Variants in TMEM132B observed in about 807,000 individuals in gnomAD.
TMEM132B encodes the protein transmembrane protein 132B.
A neutral mutation model predicts 90.8 loss-of-function variants in TMEM132B; 18 were observed. The observed-to-expected ratio is 0.20, with a 90% CI of 0.14 to 0.29. The LOEUF is 0.29. Among genes scored for constraint, TMEM132B ranks in the 10% least tolerant of loss-of-function variants. The probability of loss-of-function intolerance (pLI) is 1.00; values close to 1 mark genes in which losing one functional copy is unlikely to be tolerated. For synonymous variants in TMEM132B, 504 were observed against 523.3 expected (o/e 0.96, Z 0.50); for missense variants, 1,096 against 1,326.8 (o/e 0.83, Z 2.70).
At chr12:125,467,546 T>G (rs1364739367) in intron 3 of TMEM132B, among the ~76,000 whole-genome samples, 1 of 152,236 alleles carries the variant, frequency 6.6e-6, no homozygotes, top group Non-Finnish European at 1.5e-5. Context: ...GTACTGTGGT[T>G]CATGAGTCCT....
chr12:125,563,602 A>AAACAAAC (rs1566074999), intron 4 of TMEM132B, among the ~76,000 whole-genome samples: 1,035 of 78,392 alleles, frequency 0.013, 12 homozygotes, highest in African/African-American at 0.048. Context: ...AACAAACAAA[A>AAACAAAC]AAAAACCCCA....
chr12:125,340,035 A>G (rs1877126785), intron 1 of TMEM132B, among the ~76,000 whole-genome samples: 1 of 152,196 alleles, frequency 6.6e-6, no homozygotes, highest in African/African-American at 2.4e-5. Flanking sequence ...TCACAAGTAG[A>G]CTTGAGGATG....
chr12:125,608,864 A>AC (rs2136938207), intron 5 of TMEM132B, among the ~76,000 whole-genome samples: 1 of 151,796 alleles, frequency 6.6e-6, no homozygotes, highest in East Asian at 1.9e-4. Context: ...TTGAAAAAAA[A>AC]ATCAATGGAC....
chr12:125,192,677 T>C (rs945847441), intron 1 of TMEM132B, among the ~76,000 whole-genome samples: 1 of 152,120 alleles, frequency 6.6e-6, no homozygotes, highest in Non-Finnish European at 1.5e-5. Context: ...ACCTCCTCAT[T>C]CGGGAGCCCC....
intron 2 of TMEM132B, among the ~76,000 whole-genome samples, chr12:125,405,581 C>G (rs960588997): frequency 2.0e-5 from 3 of 152,140 alleles, no homozygotes; most frequent in Admixed American, 6.5e-5. Flanking sequence ...ACCTGGCAGG[C>G]TGGTGTGAAT....
chr12:125,380,516 C>T (rs1316265253), intron 2 of TMEM132B, among the ~76,000 whole-genome samples: 1 of 152,232 alleles, frequency 6.6e-6, no homozygotes. Context: ...TCACCTCCCA[C>T]AGCACCAAGG....
At chr12:125,480,013 G>C (rs1055718578) in intron 3 of TMEM132B, among the ~76,000 whole-genome samples, 4 of 152,178 alleles carry the variant, frequency 2.6e-5, no homozygotes, top group African/African-American at 9.7e-5. Context: ...TGACTACTGG[G>C]TAAATAATGA....
At chr12:125,375,375 C>G (rs998017453) in intron 2 of TMEM132B, among the ~76,000 whole-genome samples, 5 of 152,100 alleles carry the variant, frequency 3.3e-5, no homozygotes, top group Non-Finnish European at 5.9e-5. Context: ...GGATCTAGTG[C>G]CAATCTGTCC....
At chr12:125,601,761 T>TA (rs1158894773) in intron 5 of TMEM132B, among the ~76,000 whole-genome samples, 1 of 151,100 alleles carries the variant, frequency 6.6e-6, no homozygotes, top group Admixed American at 6.6e-5. Context: ...ATAGACACAA[T>TA]AAAAAATGAT....
chr12:125,328,428 C>T (rs1164463237), intron 1 of TMEM132B, among the ~76,000 whole-genome samples: 1 of 152,204 alleles, frequency 6.6e-6, no homozygotes, highest in African/African-American at 2.4e-5. Context: ...TCTCCTGGGG[C>T]ATCCATCATA....
At chr12:125,239,761 C>T (rs145388771) in intron 1 of TMEM132B, among the ~76,000 whole-genome samples, 11 of 152,308 alleles carry the variant, frequency 7.2e-5, no homozygotes, top group Middle Eastern at 3.4e-3. Context: ...TGGAGGTGCC[C>T]GGCTTTCGCG....
intron 1 of TMEM132B, among the ~76,000 whole-genome samples, chr12:125,210,976 C>G (rs576671552): frequency 2.0e-5 from 3 of 152,010 alleles, no homozygotes; most frequent in East Asian, 3.9e-4. Flanking sequence ...AGAGAAAGTA[C>G]AGGAGAATCA....
chr12:125,579,436 A>G (rs1172745733), intron 4 of TMEM132B, among the ~76,000 whole-genome samples: 2 of 150,810 alleles, frequency 1.3e-5, no homozygotes, highest in Non-Finnish European at 2.9e-5. Context: ...ATCTCGGCTC[A>G]CTGCAATCTC....
intron 1 of TMEM132B, among the ~76,000 whole-genome samples, chr12:125,331,510 C>T (rs572213457): frequency 7.0e-4 from 106 of 152,242 alleles, no homozygotes; most frequent in Non-Finnish European, 1.3e-3. Flanking sequence ...GCCCTTTACT[C>T]CGGGTGAAAT....
chr12:125,326,631 G>A (rs752281695), intron 1 of TMEM132B: 2 of 1,607,350 alleles, frequency 1.2e-6, no homozygotes, highest in South Asian at 1.1e-5. Context: ...GAAATGTTTG[G>A]TGCAGCATCC....
At chr12:125,469,087 T>G (rs1470641560) in intron 3 of TMEM132B, among the ~76,000 whole-genome samples, 1 of 152,246 alleles carries the variant, frequency 6.6e-6, no homozygotes. Context: ...CTTGCCTAAC[T>G]GCTCTGTCTT....
At chr12:125,623,946 G>A (rs1886171561) in intron 5 of TMEM132B, among the ~76,000 whole-genome samples, 1 of 152,186 alleles carries the variant, frequency 6.6e-6, no homozygotes, top group Non-Finnish European at 1.5e-5. Context: ...TTCTCATTCA[G>A]TGCCAAGATG....
chr12:125,585,600 G>A (rs1257256242), intron 5 of TMEM132B: 1 of 152,164 alleles, frequency 6.6e-6, no homozygotes, highest in Non-Finnish European at 1.5e-5. Flanking sequence ...CTGCTATGAA[G>A]CCCCATGGGG....
At chr12:125,523,694 G>C (rs11058221) in intron 4 of TMEM132B, among the ~76,000 whole-genome samples, 37,705 of 152,084 alleles carry the variant, frequency 0.25, 4,995 homozygotes, top group African/African-American at 0.3. Flanking sequence ...ATCTCTTCTC[G>C]CATGATCTGC....
Sources: gnomAD v4.1 joint callset for allele counts (sites outside exome capture counted in the v4.1 genomes callset) on GRCh38, gnomAD v4.1.1 for gene constraint, MANE v1.5 for transcripts, NCBI Gene and HGNC (gene_info 2026-07-23, HGNC 2026-07-21) for gene names.